PCLO: variants seen among roughly 807,000 people sequenced by gnomAD.
PCLO encodes piccolo presynaptic cytomatrix protein.
In PCLO, 82 loss-of-function variants were observed where a neutral mutation model predicts 427.5. The ratio of observed to expected loss-of-function variants is 0.19; its 90% CI spans 0.16 to 0.23. The LOEUF (loss-of-function observed/expected upper bound fraction) is 0.23, where lower values mean the gene tolerates loss of function less well. Ranked by LOEUF, PCLO falls within the 10% of genes least tolerant of loss-of-function variation. The pLI is 1.00. For synonymous variants in PCLO, 2,357 were observed against 2,155.4 expected (o/e 1.09, Z -2.59); for missense variants, 6,239 against 6,115.9 (o/e 1.02, Z -0.67).
chr7:83,082,970 A>T (rs1790140232), intron 3 of PCLO, among the ~76,000 whole-genome samples: 1 of 151,840 alleles, frequency 6.6e-6, no homozygotes, highest in Non-Finnish European at 1.5e-5. Context: ...TGTCAAAAAG[A>T]TTGATGCATT....
In PCLO at chr7:82,842,236, A is replaced by T. The variant is rs189397420; in HGVS notation, c.14047-727T>A. ...CAATAGACAACCCCCAAATAAATAC[A>T]TTCATTTACAGTCAATTGACTTTCA... On this transcript the variant is annotated intron_variant, in intron 13 of 24. Coordinates refer to ENST00000333891, the MANE Select transcript of PCLO (RefSeq NM_033026.6). 2.0e-5 allele frequency among the ~76,000 whole-genome samples: 3 copies of T among 152,226 alleles called. No individual in the cohort carries two copies. The East Asian group carries it at 5.8e-4, about 29-fold the overall frequency.
chr7:82,823,657 A>C (rs1355589082), intron 19 of PCLO, among the ~76,000 whole-genome samples: 1 of 152,204 alleles, frequency 6.6e-6, no homozygotes, highest in African/African-American at 2.4e-5. Context: ...GTTATTTAAA[A>C]AATAATAATA....
chr7:83,113,712 A>G (rs1205737395), intron 3 of PCLO, among the ~76,000 whole-genome samples: 1 of 152,114 alleles, frequency 6.6e-6, no homozygotes, highest in East Asian at 1.9e-4. Context: ...CATTCTAGTG[A>G]GGTAGAAGGG....
intron 22 of PCLO, among the ~76,000 whole-genome samples, chr7:82,771,988 G>A (rs1790657017): frequency 6.6e-6 from 1 of 151,890 alleles, no homozygotes; most frequent in African/African-American, 2.4e-5. Flanking sequence ...GGACTCAAAT[G>A]GTAATAACAA....
At chr7:82,772,002 A>C (rs1790657330) in intron 22 of PCLO, among the ~76,000 whole-genome samples, 1 of 152,172 alleles carries the variant, frequency 6.6e-6, no homozygotes, top group South Asian at 2.1e-4. Context: ...ATAACAATGT[A>C]TTTCATTCAT....
intron 8 of PCLO, among the ~76,000 whole-genome samples, chr7:82,906,146 TTAATA>T (rs1200370434): frequency 1.3e-5 from 2 of 151,974 alleles, no homozygotes; most frequent in Non-Finnish European, 2.9e-5. Flanking sequence ...ATTTTTATAA[TTAATA>T]TGATTGTGTG....
rs1244476233 is a variant in PCLO, at chr7:82,954,529, C to T, written c.6424G>A (p.Glu2142Lys). ...GTATAATCGGTTACATATTCATCCTCAATTTCTTCTGTTGAAAAATGTTGG... is the reference window on the plus strand; with the variant it reads ...GTATAATCGGTTACATATTCATCCTTAATTTCTTCTGTTGAAAAATGTTGG... ...ITQHFSTEEI[E>K]DEYVTDYTRE... The change falls in exon 5 of 25, where the codon GAG becomes AAG. Residue 2142 changes from glutamate (E) to lysine (K), a missense_variant. Physicochemically the swap from Glu to Lys is moderately conservative, Grantham distance 56. This residue lies in a region of PCLO where 4,677 missense variants were observed against 4,468.4 expected (regional missense o/e 1.05). Coordinates refer to ENST00000333891, the MANE Select transcript of PCLO (RefSeq NM_033026.6). 6.2e-7 allele frequency: 1 copy of T among 1,613,900 alleles called. No homozygotes were observed.
chr7:82,947,551 G>A (rs1342262097), intron 6 of PCLO, among the ~76,000 whole-genome samples: 2 of 152,222 alleles, frequency 1.3e-5, no homozygotes, highest in East Asian at 3.9e-4. Flanking sequence ...AGTCTCTAGA[G>A]TGTTAACAAC....
Position 82,869,145 on chromosome 7 carries a change from T to A in PCLO, c.13654+10192A>T, listed in dbSNP as rs747626713. Reference sequence around the variant, plus strand: ...AATGATATGTATATAAAAGTTTAGATTTAGTCCATGATATTAACCAAGTAA... The same window carrying A: ...AATGATATGTATATAAAAGTTTAGAATTAGTCCATGATATTAACCAAGTAA... On this transcript the variant is annotated intron_variant, in intron 10 of 24. Coordinates refer to ENST00000333891, the MANE Select transcript of PCLO (RefSeq NM_033026.6). Among the ~76,000 whole-genome samples the A allele has an allele frequency of 2.0e-5, 3 of 152,238 alleles. No homozygotes were observed. The Middle Eastern group carries it at 0.01, about 518-fold the overall frequency.
At position 83,162,653 on chromosome 7, in the gene PCLO, C is replaced by A; in HGVS notation, c.-61G>T. The A allele has an allele frequency of 1.4e-6, 2 of 1,475,644 alleles. No individual in the cohort carries two copies. Among genetic ancestry groups the A allele is most frequent in the Non-Finnish European group, 1.8e-6 (2 of 1,118,280 alleles). The allele number at this position is 1,475,644 out of a possible 1,614,324, so 91.4% of individuals were successfully genotyped here. A position where few individuals can be genotyped will look rare whatever the true frequency, so the allele number is the denominator to read the frequency against. On this transcript the variant is annotated 5_prime_UTR_variant, in exon 1 of 25. Coordinates refer to ENST00000333891, the MANE Select transcript of PCLO (RefSeq NM_033026.6). ...TCGCGCCGCGTCCCAGTCGAGAAGCCCGCGGCCAGGGGAGCAGTCAGAGCC... is the reference window on the plus strand; with the variant it reads ...TCGCGCCGCGTCCCAGTCGAGAAGCACGCGGCCAGGGGAGCAGTCAGAGCC...
chr7:83,111,894 T>C (rs535769089), intron 3 of PCLO, among the ~76,000 whole-genome samples: 5 of 152,208 alleles, frequency 3.3e-5, no homozygotes, highest in African/African-American at 1.2e-4. Flanking sequence ...CTTTTTAAGG[T>C]AGAGCAAATC....
chr7:82,955,033 G>T lies in PCLO; in HGVS notation c.5920C>A (p.Leu1974Ile). The change falls in exon 5 of 25, where the codon CTA becomes ATA. Residue 1974 changes from leucine (L) to isoleucine (I), a missense_variant. By Grantham distance (5) the Leu-to-Ile change is conservative (BLOSUM62 2). Coordinates refer to ENST00000333891, the MANE Select transcript of PCLO (RefSeq NM_033026.6). ...TYNGSVDGSLLTRQEEENGFM... is the reference protein window; with the variant it reads ...TYNGSVDGSLITRQEEENGFM... The stretch of plus-strand genomic sequence containing the variant: ...CCATTTTCTTCTTCTTGCCTTGTTA[G>T]CAGACTGCCATCTACCGATCCATTG... 6.2e-7 allele frequency: 1 copy of T among 1,613,548 alleles called. No homozygotes were observed. Among genetic ancestry groups the T allele is most frequent in the Non-Finnish European group, 8.5e-7 (1 of 1,179,800 alleles).
intron 3 of PCLO, among the ~76,000 whole-genome samples, chr7:83,038,079 ATATATC>A (rs1788871445): frequency 2.6e-5 from 2 of 77,750 alleles, no homozygotes; most frequent in African/African-American, 9.4e-5. Context: ...ATATTTATAT[ATATATC>A]TTTATATATA....
intron 6 of PCLO, among the ~76,000 whole-genome samples, chr7:82,930,319 G>C (rs2116335977): frequency 6.6e-6 from 1 of 152,166 alleles, no homozygotes; most frequent in East Asian, 1.9e-4. Context: ...GCATTAGGAG[G>C]GGAAACTACA....
intron 3 of PCLO, among the ~76,000 whole-genome samples, chr7:83,072,595 T>G (rs1219249532): frequency 6.6e-6 from 1 of 152,040 alleles, no homozygotes; most frequent in African/African-American, 2.4e-5. Context: ...TCTGAGACCT[T>G]GGCCATATTA....
At chr7:83,132,425 C>A (rs778924822) in intron 3 of PCLO, among the ~76,000 whole-genome samples, 2 of 152,134 alleles carry the variant, frequency 1.3e-5, no homozygotes, top group African/African-American at 2.4e-5. Flanking sequence ...CCACACATGT[C>A]CTTTGTAATT....
At chr7:83,006,445 G>A (rs963902036) in intron 3 of PCLO, among the ~76,000 whole-genome samples, 2 of 151,410 alleles carry the variant, frequency 1.3e-5, no homozygotes, top group African/African-American at 2.4e-5. Context: ...TTACAGACAT[G>A]GTAGATGGCA....
intron 1 of PCLO, among the ~76,000 whole-genome samples, chr7:83,158,536 C>A (rs539066630): frequency 6.6e-6 from 1 of 151,130 alleles, no homozygotes; most frequent in African/African-American, 2.4e-5. Flanking sequence ...AAAAAATCTA[C>A]CTTAATTATA....
intron 2 of PCLO, among the ~76,000 whole-genome samples, chr7:83,149,131 T>G (rs1366666069): frequency 6.6e-6 from 1 of 152,168 alleles, no homozygotes; most frequent in Non-Finnish European, 1.5e-5. Context: ...AATCTCTGGC[T>G]TTAGCCTGAA....
Sources: allele counts gnomAD v4.1 joint callset (sites outside exome capture counted in the v4.1 genomes callset), GRCh38; gene constraint gnomAD v4.1.1; regional missense constraint gnomAD v4.1.1; transcripts MANE v1.5; gene names NCBI Gene and HGNC (gene_info 2026-07-23, HGNC 2026-07-21).